IQCM: variants seen among roughly 807,000 people sequenced by gnomAD.
IQCM encodes the protein IQ motif containing M, also known as IQ domain-containing protein M.
IQCM carries 45 observed loss-of-function variants against 57.6 expected under a neutral mutation model. The ratio of observed to expected loss-of-function variants is 0.78; its 90% confidence interval spans 0.62 to 1.00. The LOEUF is 1.00. Ranked by LOEUF, IQCM falls within the 50% of genes least tolerant of loss-of-function variation. The probability of loss-of-function intolerance (pLI) is 0.00; values close to 1 mark genes in which losing one functional copy is unlikely to be tolerated. For synonymous variants in IQCM, 148 were observed against 158.9 expected (o/e 0.93, Z 0.51); for missense variants, 468 against 511.6 (o/e 0.91, Z 0.82).
chr4:149,569,986 A>T (rs956703785), intron 9 of IQCM, among the ~76,000 whole-genome samples: 3 of 152,094 alleles, frequency 2.0e-5, no homozygotes, highest in Admixed American at 1.3e-4. Flanking sequence ...GGAATGAAAT[A>T]TCCTTTAAAT....
At chr4:149,501,175 G>C (rs957258668) in intron 12 of IQCM, among the ~76,000 whole-genome samples, 3 of 152,020 alleles carry the variant, frequency 2.0e-5, no homozygotes, top group African/African-American at 7.2e-5. Context: ...ATCTCAATTT[G>C]ACTTACAATT....
chr4:149,468,865 G>A (rs1739175896), intron 12 of IQCM, among the ~76,000 whole-genome samples: 1 of 152,188 alleles, frequency 6.6e-6, no homozygotes, highest in Admixed American at 6.5e-5. Flanking sequence ...GGCAAACAGG[G>A]TCGGAGTTCA....
chr4:149,796,677 G>A (rs1773146349), intron 2 of IQCM, among the ~76,000 whole-genome samples: 1 of 152,128 alleles, frequency 6.6e-6, no homozygotes, highest in African/African-American at 2.4e-5. Context: ...AGGGGTTCTT[G>A]AGTCACTCCA....
intron 12 of IQCM, among the ~76,000 whole-genome samples, chr4:149,444,852 G>A (rs1040999685): frequency 9.9e-5 from 15 of 151,844 alleles, no homozygotes; most frequent in Admixed American, 2.6e-4. Flanking sequence ...TTCATATAAC[G>A]TAGTTCAGAT....
chr4:149,481,698 T>TTTGTTTTTTTTTTTTTTTTG (rs1560895770), intron 12 of IQCM, among the ~76,000 whole-genome samples: 10 of 139,430 alleles, frequency 7.2e-5, no homozygotes, highest in African/African-American at 2.4e-4. Context: ...TTCTTCCAGT[T>TTTGTTTTTTTTTTTTTTTTG]TTGTTTTTTT....
chr4:149,778,249 G>A (rs994566088), intron 2 of IQCM, among the ~76,000 whole-genome samples: 3 of 152,060 alleles, frequency 2.0e-5, no homozygotes, highest in Non-Finnish European at 2.9e-5. Context: ...GGTCGCAGGC[G>A]CCTGTAGTCC....
At chr4:149,515,360 C>G (rs946905165) in intron 12 of IQCM, among the ~76,000 whole-genome samples, 1 of 152,202 alleles carries the variant, frequency 6.6e-6, no homozygotes, top group East Asian at 1.9e-4. Flanking sequence ...ATTCCATCAT[C>G]AAATGGAAGT....
chr4:149,424,296 A>C (rs1734319420), intron 13 of IQCM, among the ~76,000 whole-genome samples: 1 of 151,874 alleles, frequency 6.6e-6, no homozygotes, highest in African/African-American at 2.4e-5. Flanking sequence ...TGATGTAAAC[A>C]TATTCTTTTT....
At chr4:149,657,273 C>A (rs368818418) in intron 7 of IQCM, among the ~76,000 whole-genome samples, 2 of 152,178 alleles carry the variant, frequency 1.3e-5, no homozygotes, top group South Asian at 2.1e-4. Flanking sequence ...TGGTATTTGT[C>A]TTTTTGGGTC....
At chr4:149,395,546 T>C (rs1203524041) in intron 13 of IQCM, among the ~76,000 whole-genome samples, 1 of 152,030 alleles carries the variant, frequency 6.6e-6, no homozygotes, top group Non-Finnish European at 1.5e-5. Flanking sequence ...GATATAAAAG[T>C]ATAAACAGGA....
intron 12 of IQCM, among the ~76,000 whole-genome samples, chr4:149,542,554 A>T (rs1747956810): frequency 6.6e-6 from 1 of 152,114 alleles, no homozygotes; most frequent in African/African-American, 2.4e-5. Flanking sequence ...TCTCCCATCC[A>T]TAAAATATGT....
intron 8 of IQCM, among the ~76,000 whole-genome samples, chr4:149,602,151 C>T (rs996878675): frequency 2.0e-5 from 3 of 151,576 alleles, no homozygotes; most frequent in Non-Finnish European, 4.4e-5. Flanking sequence ...TATTTACATG[C>T]TATTTACATC....
chr4:149,611,091 T>C (rs1431618226), intron 8 of IQCM, among the ~76,000 whole-genome samples: 2 of 151,572 alleles, frequency 1.3e-5, no homozygotes, highest in African/African-American at 4.8e-5. Context: ...ATACAAACGG[T>C]CAAGTATATA....
At chr4:149,546,711 T>C (rs1748474253) in intron 12 of IQCM, among the ~76,000 whole-genome samples, 1 of 152,236 alleles carries the variant, frequency 6.6e-6, no homozygotes, top group Non-Finnish European at 1.5e-5. Flanking sequence ...TTGTAGATTC[T>C]GGATATTAGC....
At chr4:149,807,319 C>T (rs929611395) in intron 2 of IQCM, among the ~76,000 whole-genome samples, 1 of 151,862 alleles carries the variant, frequency 6.6e-6, no homozygotes, top group African/African-American at 2.4e-5. Context: ...CAAGAACATA[C>T]ACTGGGGGAA....
intron 12 of IQCM, among the ~76,000 whole-genome samples, chr4:149,434,117 A>C (rs533761835): frequency 9.9e-5 from 15 of 152,226 alleles, no homozygotes; most frequent in Admixed American, 2.0e-4. Context: ...TTTAATTTTC[A>C]TAACATACCT....
intron 2 of IQCM, among the ~76,000 whole-genome samples, chr4:149,757,979 A>G (rs1769148086): frequency 6.6e-6 from 1 of 152,204 alleles, no homozygotes; most frequent in Non-Finnish European, 1.5e-5. Flanking sequence ...ACATTGAAGA[A>G]GAACAAAGTT....
chr4:149,388,583 CA>C (rs1320913453), intron 13 of IQCM, among the ~76,000 whole-genome samples: 3 of 97,564 alleles, frequency 3.1e-5, no homozygotes, highest in Non-Finnish European at 6.1e-5. Flanking sequence ...AATATATATA[CA>C]TATATACATA....
At chr4:149,795,294 G>A (rs571019381) in intron 2 of IQCM, among the ~76,000 whole-genome samples, 1 of 152,120 alleles carries the variant, frequency 6.6e-6, no homozygotes, top group Admixed American at 6.6e-5. Context: ...GGGAAGGAGA[G>A]GACTGCAATT....
Sources: allele counts gnomAD v4.1 joint callset (sites outside exome capture counted in the v4.1 genomes callset), GRCh38; gene constraint gnomAD v4.1.1; transcripts MANE v1.5; gene names NCBI Gene and HGNC (gene_info 2026-07-23, HGNC 2026-07-21).